The following LRP1B variants were observed in gnomAD, a reference collection of about 807,000 sequenced individuals.
LRP1B encodes the protein LDL receptor related protein 1B.
In LRP1B, 217 loss-of-function variants were observed where a neutral mutation model predicts 556.6. The ratio of observed to expected loss-of-function variants is 0.39; its 90% CI spans 0.35 to 0.44. The LOEUF (loss-of-function observed/expected upper bound fraction) is 0.44. Ranked by LOEUF, LRP1B falls within the 20% of genes least tolerant of loss-of-function variation. The pLI, the probability that LRP1B is intolerant of heterozygous loss-of-function variation, is 1.00. For synonymous variants in LRP1B, 2,047 were observed against 1,865.8 expected (o/e 1.10, Z -2.50); for missense variants, 5,053 against 5,620.8 (o/e 0.90, Z 3.23).
At chr2:141,213,240 C>T (rs571632376) in intron 6 of LRP1B, among the ~76,000 whole-genome samples, 40 of 152,034 alleles carry the variant, frequency 2.6e-4, no homozygotes, top group South Asian at 1.5e-3. Flanking sequence ...CATGAGCCCC[C>T]ATGCCCAGCC....
intron 20 of LRP1B, among the ~76,000 whole-genome samples, chr2:140,923,358 T>A (rs933505350): frequency 6.6e-6 from 1 of 152,058 alleles, no homozygotes; most frequent in East Asian, 1.9e-4. Flanking sequence ...AATAGTCCGA[T>A]AAAATGATGT....
At chr2:140,917,317 AC>A (rs1694609015) in intron 21 of LRP1B, among the ~76,000 whole-genome samples, 1 of 152,112 alleles carries the variant, frequency 6.6e-6, no homozygotes, top group South Asian at 2.1e-4. Context: ...ACATACTCTG[AC>A]CCTACTATCC....
At chr2:140,748,109 AT>A (rs1184199124) in intron 35 of LRP1B, among the ~76,000 whole-genome samples, 123 of 126,452 alleles carry the variant, frequency 9.7e-4, no homozygotes, top group African/African-American at 2.2e-3. Context: ...ATATATATAT[AT>A]ATATATATAT....
intron 66 of LRP1B, among the ~76,000 whole-genome samples, chr2:140,417,608 A>C (rs1685255400): frequency 6.6e-6 from 1 of 152,198 alleles, no homozygotes; most frequent in Admixed American, 6.5e-5. Flanking sequence ...TCTTTGAATA[A>C]TTACATATCA....
intron 2 of LRP1B, among the ~76,000 whole-genome samples, chr2:141,558,480 A>G (rs965507238): frequency 2.0e-5 from 3 of 151,816 alleles, no homozygotes; most frequent in African/African-American, 7.2e-5. Flanking sequence ...TTCACATAAA[A>G]TGGGATTCTC....
chr2:141,544,333 TCTTC>T (rs1426375403), intron 2 of LRP1B, among the ~76,000 whole-genome samples: 2,041 of 76,894 alleles, frequency 0.027, 78 homozygotes, highest in South Asian at 0.083. Flanking sequence ...TTCTTCTTCT[TCTTC>T]TTCTTCTTCT....
intron 1 of LRP1B, among the ~76,000 whole-genome samples, chr2:142,083,517 T>C (rs1311665997): frequency 6.6e-6 from 1 of 152,302 alleles, no homozygotes; most frequent in African/African-American, 2.4e-5. Flanking sequence ...GTTTATCATG[T>C]AAGTATGTGT....
At chr2:141,883,269 C>T in intron 1 of LRP1B, among the ~76,000 whole-genome samples, 1 of 152,118 alleles carries the variant, frequency 6.6e-6, no homozygotes, top group East Asian at 1.9e-4. Flanking sequence ...TGCTCCCATA[C>T]ACTTTGTACT....
chr2:140,379,877 C>T (rs187306004), intron 67 of LRP1B, among the ~76,000 whole-genome samples: 1 of 152,256 alleles, frequency 6.6e-6, no homozygotes, highest in Non-Finnish European at 1.5e-5. Context: ...AGTGGATAAT[C>T]TTCTCATGTT....
intron 41 of LRP1B, among the ~76,000 whole-genome samples, chr2:140,689,624 T>C (rs1034432883): frequency 6.6e-6 from 1 of 152,180 alleles, no homozygotes; most frequent in Admixed American, 6.5e-5. Flanking sequence ...GATCTAATAT[T>C]GGGACGCTAA....
At chr2:141,078,650 C>A (rs56950302) in intron 7 of LRP1B, among the ~76,000 whole-genome samples, 1 of 152,052 alleles carries the variant, frequency 6.6e-6, no homozygotes, top group Non-Finnish European at 1.5e-5. Context: ...ATGAAGCAAG[C>A]ATGAAGAAAG....
chr2:141,620,001 T>C (rs1434777667), intron 2 of LRP1B, among the ~76,000 whole-genome samples: 1 of 152,198 alleles, frequency 6.6e-6, no homozygotes, highest in Non-Finnish European at 1.5e-5. Flanking sequence ...TCACCCAGGC[T>C]GGAGAGCGTG....
At position 140,775,470 on chromosome 2, in the gene LRP1B, T is replaced by C. The variant is rs1290631186; in HGVS notation, c.5500+628A>G. On this transcript the variant is annotated intron_variant, in intron 33 of 90. Coordinates refer to ENST00000389484, the MANE Select transcript of LRP1B (RefSeq NM_018557.3). ...ACAGTATATTTTTTTTTGGTTGATTTTTTTTTTTTTTTTTTTTTTTAGAAA... is the reference window on the plus strand; with the variant it reads ...ACAGTATATTTTTTTTTGGTTGATTCTTTTTTTTTTTTTTTTTTTTAGAAA... 1.4e-4 allele frequency among the ~76,000 whole-genome samples: 9 copies of C among 64,384 alleles called. No homozygotes were observed. The East Asian group carries it at 5.1e-3, about 36-fold the overall frequency. The allele number at this position is 64,384 out of a possible 152,430, so 42.2% of individuals were successfully genotyped here. A position where few individuals can be genotyped will look rare whatever the true frequency, so the allele number is the denominator to read the frequency against.
chr2:140,463,246 C>T lies in LRP1B; in HGVS notation c.9626-5595G>A, dbSNP rs890928114. Among the ~76,000 whole-genome samples the T allele has an allele frequency of 2.0e-5, 3 of 152,098 alleles. No homozygotes were observed. In the Middle Eastern group the frequency reaches 0.01, roughly 517 times the overall value. The stretch of plus-strand genomic sequence containing the variant: ...AAAGAGTGGGTGGGTGGGAAAATGG[C>T]CAGGGTAGGCTAATCTCCAGAGAAG... On this transcript the variant is annotated intron_variant, in intron 60 of 90. Coordinates refer to ENST00000389484, the MANE Select transcript of LRP1B (RefSeq NM_018557.3).
In LRP1B at chr2:140,716,061, C is replaced by T. The variant is rs1008293259; in HGVS notation, c.5935G>A (p.Val1979Ile). ...WTDHGFNLIE[V>I]ARLNGSFRYV... ...CGGAAAGAACCATTGAGTCTTGCAA[C>T]TTCAATTAAGTTGAAACCATGATCT... Residue 1979 changes from valine to isoleucine, a missense_variant, in exon 37 of 91, where the codon GTT (valine) becomes ATT (isoleucine). This residue lies in a region of LRP1B where 3,619 missense variants were observed against 3,931.9 expected (regional missense o/e 0.92). Transcript: ENST00000389484. 1.9e-6 allele frequency: 3 copies of T among 1,607,780 alleles called. No individual in the cohort carries two copies. Among genetic ancestry groups the T allele is most frequent in the African/African-American group, 2.7e-5 (2 of 74,706 alleles).
At chr2:141,528,663 T>C (rs1406912941) in intron 2 of LRP1B, among the ~76,000 whole-genome samples, 1 of 152,158 alleles carries the variant, frequency 6.6e-6, no homozygotes, top group Admixed American at 6.6e-5. Flanking sequence ...CTAATTTTCT[T>C]CACCATAGGA....
intron 2 of LRP1B, among the ~76,000 whole-genome samples, chr2:141,504,635 G>C (rs1683854573): frequency 6.6e-6 from 1 of 152,074 alleles, no homozygotes; most frequent in African/African-American, 2.4e-5. Context: ...GGGTGCCCAA[G>C]GAGCAATAAT....
intron 27 of LRP1B, among the ~76,000 whole-genome samples, chr2:140,856,738 TACACACACACACAC>T (rs57220779): frequency 0.037 from 5,443 of 148,434 alleles, 120 homozygotes; most frequent in Middle Eastern, 0.051. Flanking sequence ...CTAAGAGAGA[TACACACACACACAC>T]ACACACACAC....
intron 77 of LRP1B, among the ~76,000 whole-genome samples, chr2:140,345,749 C>A (rs1403079278): frequency 7.8e-6 from 1 of 128,300 alleles, no homozygotes; most frequent in African/African-American, 2.9e-5. Flanking sequence ...CATATATATA[C>A]ACATATATAC....
Sources: gnomAD v4.1 joint callset for allele counts (sites outside exome capture counted in the v4.1 genomes callset) on GRCh38, gnomAD v4.1.1 for gene constraint, gnomAD v4.1.1 regional missense constraint, MANE v1.5 for transcripts, NCBI Gene and HGNC (gene_info 2026-07-23, HGNC 2026-07-21) for gene names.